URGCP: variants seen among roughly 807,000 people sequenced by gnomAD.
URGCP encodes the protein up-regulator of cell proliferation.
A neutral mutation model predicts 24.6 loss-of-function variants in URGCP; 13 were observed. That is an observed-to-expected ratio of 0.53 (90% CI 0.34 to 0.84). URGCP has a LOEUF of 0.84. Among genes scored for constraint, URGCP ranks in the 40% least tolerant of loss-of-function variants. The probability of loss-of-function intolerance (pLI) is 0.01; values close to 1 mark genes in which losing one functional copy is unlikely to be tolerated. For missense variants in URGCP, 899 were observed against 1,194.3 expected (o/e 0.75, Z 3.64); for synonymous variants, 444 against 487.2 (o/e 0.91, Z 1.17).
At position 43,877,342 on chromosome 7, in the gene URGCP, T is replaced by G; in HGVS notation, c.2121A>C (p.Thr707=). 1 of 1,612,560 alleles carries G rather than the reference T, an allele frequency of 6.2e-7. No individual in the cohort carries two copies. The highest frequency in any genetic ancestry group is 8.5e-7 in the Non-Finnish European group (1 of 1,179,974). Residue 707 remains threonine (T), a synonymous_variant, in exon 6 of 6, where the codon ACA becomes ACC. Coordinates refer to ENST00000453200, the MANE Select transcript of URGCP (RefSeq NM_001077663.3). Reference sequence around the variant, plus strand: ...GCAGCCCAAACATGGTGTTGAGGAGTGTGGACTTGCCCGTGCCTGGCACCC... The same window carrying G: ...GCAGCCCAAACATGGTGTTGAGGAGGGTGGACTTGCCCGTGCCTGGCACCC... The part of the protein sequence containing the change: ...TVGVPGTGKS[T]LLNTMFGLRF...
intron 3 of URGCP, among the ~76,000 whole-genome samples, chr7:43,887,155 G>T (rs948285989): frequency 6.6e-6 from 1 of 151,914 alleles, no homozygotes; most frequent in African/African-American, 2.4e-5. Context: ...CTGAATCCTG[G>T]GAACACTTAC....
intron 5 of URGCP, among the ~76,000 whole-genome samples, chr7:43,880,755 A>G (rs78024802): frequency 0.029 from 4,487 of 152,320 alleles, 245 homozygotes; most frequent in African/African-American, 0.1. Flanking sequence ...TGCATGAAGT[A>G]AATACAAATT....
rs548577791 is a variant in URGCP at position 43,899,705 on chromosome 7, T to C, written c.14+6857A>G. 4.6e-5 allele frequency among the ~76,000 whole-genome samples: 7 copies of C among 152,262 alleles called. No individual in the cohort carries two copies. The South Asian group carries it at 1.4e-3, about 32-fold the overall frequency. The stretch of plus-strand genomic sequence containing the variant: ...TCACTGATCTAGGTCGCTTTGAGTA[T>C]CTGGAACTTATTCAATCACAAAAAC... On this transcript the variant is annotated intron_variant, in intron 1 of 5. Transcript: ENST00000453200.
chr7:43,893,329 C>CA (rs879510417), intron 1 of URGCP, among the ~76,000 whole-genome samples: 8 of 151,254 alleles, frequency 5.3e-5, no homozygotes, highest in East Asian at 1.9e-4. Context: ...GATTCTGTCT[C>CA]AAAAAAAATA....
intron 1 of URGCP, among the ~76,000 whole-genome samples, chr7:43,897,500 G>A (rs1271336021): frequency 2.0e-5 from 3 of 152,172 alleles, no homozygotes; most frequent in Non-Finnish European, 4.4e-5. Context: ...TGATCAGTGA[G>A]TAGGAGAAGG....
intron 1 of URGCP, among the ~76,000 whole-genome samples, chr7:43,912,446 C>G (rs775021471): frequency 1.3e-5 from 2 of 152,342 alleles, no homozygotes; most frequent in Non-Finnish European, 2.9e-5. Flanking sequence ...TTGCAGTGAG[C>G]TGAGATTGCA....
rs149739836 is a variant in URGCP, at chr7:43,886,397, CAT to C, written c.112+1016_112+1017del. On this transcript the variant is annotated intron_variant, in intron 3 of 5. Coordinates refer to ENST00000453200, the MANE Select transcript of URGCP (RefSeq NM_001077663.3). ...ACACTTTTTTTTTTGGCAGTTAAAACATAGTTTATTTTTTTAGCACATTCATT... is the reference window on the plus strand; with the variant it reads ...ACACTTTTTTTTTTGGCAGTTAAAACAGTTTATTTTTTTAGCACATTCATT... Among the ~76,000 whole-genome samples the C allele has an allele frequency of 2.2e-4, 34 of 151,784 alleles. No homozygotes were observed. The East Asian group carries it at 6.6e-3, about 29-fold the overall frequency.
intron 1 of URGCP, among the ~76,000 whole-genome samples, chr7:43,900,462 A>G (rs2095888189): frequency 8.7e-6 from 1 of 114,948 alleles, no homozygotes. Flanking sequence ...CTCAAAAAAA[A>G]CCAAAACAAA....
intron 1 of URGCP, among the ~76,000 whole-genome samples, chr7:43,914,381 T>A (rs2095913365): frequency 6.6e-6 from 1 of 152,202 alleles, no homozygotes; most frequent in South Asian, 2.1e-4. Flanking sequence ...AATGCATGTC[T>A]GTAGTCCTAA....
chr7:43,904,324 T>C (rs530324946), intron 1 of URGCP, among the ~76,000 whole-genome samples: 1 of 152,238 alleles, frequency 6.6e-6, no homozygotes, highest in Non-Finnish European at 1.5e-5. Flanking sequence ...CCTGGCATAT[T>C]CATAAGGTCC....
intron 1 of URGCP, among the ~76,000 whole-genome samples, chr7:43,922,281 C>T (rs1192748021): frequency 6.6e-6 from 1 of 152,094 alleles, no homozygotes; most frequent in African/African-American, 2.4e-5. Flanking sequence ...AGGCTGGTCT[C>T]GAACTCCTGA....
At chr7:43,881,727 T>C in intron 4 of URGCP, 30 bp from the exon 5 acceptor site, 1 of 1,614,066 alleles carries the variant, frequency 6.2e-7, no homozygotes, top group Non-Finnish European at 8.5e-7. Flanking sequence ...AAATGAAGTG[T>C]CAATCAAATA....
chr7:43,888,022 G>A (rs187408129), intron 1 of URGCP: 15 of 545,914 alleles, frequency 2.7e-5, no homozygotes, highest in Non-Finnish European at 3.9e-5. Flanking sequence ...TTAATTAGTC[G>A]GGGGAAAGTC....
intron 1 of URGCP, chr7:43,920,171 C>G: frequency 1.7e-6 from 1 of 592,230 alleles, no homozygotes; most frequent in Non-Finnish European, 3.0e-6. Context: ...TTCTCATATA[C>G]ATGCATTTTC....
At chr7:43,919,808 C>T in intron 1 of URGCP, 1 of 1,291,328 alleles carries the variant, frequency 7.7e-7, no homozygotes, top group Non-Finnish European at 1.1e-6. Flanking sequence ...TGCCCTTGGC[C>T]CACCGGGTCA....
intron 3 of URGCP, among the ~76,000 whole-genome samples, chr7:43,886,009 A>G (rs2095861536): frequency 6.6e-6 from 1 of 152,232 alleles, no homozygotes; most frequent in Non-Finnish European, 1.5e-5. Flanking sequence ...ACTGGCCAAT[A>G]ATCCCCATGG....
intron 1 of URGCP, chr7:43,919,289 C>A: frequency 1.2e-6 from 1 of 822,130 alleles, no homozygotes; most frequent in Non-Finnish European, 2.2e-6. Flanking sequence ...TGATGCAGAA[C>A]GCAGACTGTG....
At chr7:43,919,843 C>A (rs1300858403) in intron 1 of URGCP, 2 of 1,273,058 alleles carry the variant, frequency 1.6e-6, no homozygotes, top group African/African-American at 1.5e-5. Context: ...GCCAACCACA[C>A]CAGCATCTCC....
At chr7:43,881,209 A>C in intron 5 of URGCP, 1 of 702,894 alleles carries the variant, frequency 1.4e-6, no homozygotes, top group Non-Finnish European at 2.6e-6. Context: ...AAAGACAAAG[A>C]AAACACTTCT....
Sources: gnomAD v4.1 joint callset for allele counts (sites outside exome capture counted in the v4.1 genomes callset) on GRCh38, gnomAD v4.1.1 for gene constraint, MANE v1.5 for transcripts, NCBI Gene and HGNC (gene_info 2026-07-23, HGNC 2026-07-21) for gene names.